CCDC157: variants seen among roughly 807,000 people sequenced by gnomAD.
The protein encoded by CCDC157 is coiled-coil domain containing 157.
In CCDC157, 60 loss-of-function variants were observed where a neutral mutation model predicts 70.9. The observed-to-expected ratio is 0.85, with a 90% CI of 0.69 to 1.05. The LOEUF is 1.05. Ranked by LOEUF, CCDC157 falls within the 50% of genes least tolerant of loss-of-function variation. The probability of loss-of-function intolerance (pLI) is 0.00; values close to 1 mark genes in which losing one functional copy is unlikely to be tolerated. For missense variants in CCDC157, 943 were observed against 984.2 expected, an observed-to-expected ratio of 0.96 and a Z score of 0.56; for synonymous variants, 373 against 422.4, an observed-to-expected ratio of 0.88 and a Z score of 1.43.
intron 10 of CCDC157, 65 bp downstream of exon 10, chr22:30,375,728 G>A: frequency 7.0e-7 from 1 of 1,435,930 alleles, no homozygotes; most frequent in Non-Finnish European, 9.4e-7. Flanking sequence ...CAGGTCTTCA[G>A]ACTCTGCCCC....
intron 3 of CCDC157, among the ~76,000 whole-genome samples, chr22:30,367,586 T>C (rs1353775203): frequency 6.6e-6 from 1 of 151,770 alleles, no homozygotes; most frequent in East Asian, 2.0e-4. Context: ...GGTGGGAGGA[T>C]TGTTTGAGCC....
At chr22:30,359,951 C>T (rs1489914956) in intron 1 of CCDC157, among the ~76,000 whole-genome samples, 2 of 151,972 alleles carry the variant, frequency 1.3e-5, no homozygotes, top group Middle Eastern at 3.2e-3. Context: ...CCAGGACCAG[C>T]CTGGGCAACA....
chr22:30,356,746 G>A (rs1308775727), upstream of CCDC157: 6 of 1,493,730 alleles, frequency 4.0e-6, no homozygotes, highest in South Asian at 1.3e-5. Flanking sequence ...GGGCTCCGTG[G>A]GCACGGGCGG....
intron 4 of CCDC157, 136 bp from the exon 5 acceptor site, chr22:30,370,190 C>T (rs7287908): frequency 0.21 from 203,369 of 949,466 alleles, 23,372 homozygotes; most frequent in Middle Eastern, 0.3. Flanking sequence ...TTATTCACGT[C>T]GGTGTCAGAG....
intron 2 of CCDC157, among the ~76,000 whole-genome samples, chr22:30,362,479 G>A (rs565619060): frequency 6.6e-6 from 1 of 152,286 alleles, no homozygotes; most frequent in Admixed American, 6.5e-5. Flanking sequence ...TTCTGGGTGG[G>A]GAGACACTGA....
chr22:30,370,218 G>A, intron 4 of CCDC157, 108 bp from the exon 5 acceptor site: 3 of 1,236,374 alleles, frequency 2.4e-6, no homozygotes, highest in South Asian at 1.4e-5. Context: ...GAGGGTCTGA[G>A]TGTCAGGCAA....
chr22:30,374,529 G>C lies in CCDC157; in HGVS notation c.1672+438G>C, dbSNP rs1348693983. The C allele has an allele frequency of 1.1e-5, 5 of 460,702 alleles. No homozygotes were observed. The Admixed American group carries it at 1.2e-4, about 11-fold the overall frequency. 28.5% of individuals were successfully genotyped at this position (460,702 alleles called of 1,614,324 possible). A position where few individuals can be genotyped will look rare whatever the true frequency, so the allele number is the denominator to read the frequency against. The stretch of plus-strand genomic sequence containing the variant: ...TGGACCCCATGGCATAGGAGTGCTA[G>C]GTACCCATCTTGGCACAGGATTGGA... On this transcript the variant is annotated intron_variant, in intron 9 of 11. Coordinates refer to ENST00000338306, the MANE Select transcript of CCDC157 (RefSeq NM_001017437.5).
rs778688355 is a variant in CCDC157, at chr22:30,376,268, C to T, written c.1867C>T (p.Gln623Ter). ...AQQGGLKLIP[Q>*]DRLWSPSSKG... ...TTTTTTTTTTTTGTAGCTGATCCCG[C>T]AGGACCGGCTCTGGTCCCCTTCCAG... The change falls in exon 11 of 12, where the codon CAG (glutamine) becomes TAG (stop). Residue 623 changes from glutamine (Q) to a stop codon, truncating the protein, a stop_gained. Coordinates refer to ENST00000338306, the MANE Select transcript of CCDC157 (RefSeq NM_001017437.5). LOFTEE classifies it high-confidence loss of function. The T allele has an allele frequency of 6.2e-7, 1 of 1,611,362 alleles. No homozygotes were observed. Among genetic ancestry groups the T allele is most frequent in the Non-Finnish European group, 8.5e-7 (1 of 1,179,032 alleles).
chr22:30,356,744 T>A (rs1238097168), upstream of CCDC157: 1 of 1,494,780 alleles, frequency 6.7e-7, no homozygotes, highest in South Asian at 1.3e-5. Context: ...TTGGGCTCCG[T>A]GGGCACGGGC....
rs147092496 is a variant in CCDC157, at chr22:30,374,008, G to A, written c.1589G>A (p.Arg530Gln). Residue 530 changes from arginine to glutamine, a missense_variant, in exon 9 of 12, where the codon CGG (arginine) becomes CAG (glutamine). Arg to Gln is a conservative substitution (Grantham distance 43). Transcript: ENST00000338306. ...CGGCTAACCATCCTGGAGCTAGAAC[G>A]GGAGCTGGAGGAGCTGAAGGAGCGG... ...DLRLTILELE[R>Q]ELEELKERER... The A allele has an allele frequency of 0.01, 16,871 of 1,612,120 alleles. 111 individuals are homozygous for A. Among genetic ancestry groups the A allele is most frequent in the Non-Finnish European group, 0.013 (15,201 of 1,179,310 alleles).
At chr22:30,356,949 TC>T, upstream of CCDC157, 1 of 568,414 alleles carries the variant, frequency 1.8e-6, no homozygotes, top group Non-Finnish European at 2.6e-6. Context: ...TCCGGGACCG[TC>T]CCCTCGCCGT....
intron 10 of CCDC157, 40 bp downstream of exon 10, chr22:30,375,703 G>A (rs1460625111): frequency 6.4e-7 from 1 of 1,551,224 alleles, no homozygotes; most frequent in African/African-American, 1.4e-5. Flanking sequence ...CCAGGAGGAA[G>A]CCCCTATCCA....
chr22:30,360,538 C>G (rs1932264024), intron 1 of CCDC157, among the ~76,000 whole-genome samples: 1 of 151,848 alleles, frequency 6.6e-6, no homozygotes, highest in African/African-American at 2.4e-5. Context: ...GACATGGAAA[C>G]CTTCAGAAAT....
In CCDC157 at chr22:30,371,656, G is replaced by A. The variant is rs755987405; in HGVS notation, c.1052G>A (p.Ser351Asn). 10 of 1,614,028 alleles carry A rather than the reference G, an allele frequency of 6.2e-6. No homozygotes were observed. The highest frequency in any genetic ancestry group is 8.5e-6 in the Non-Finnish European group (10 of 1,179,866). ...HDKQQLLTET[S>N]DLKTKMATLE... ...TCTCTCTTGGCTGCCATAGAAACAA[G>A]TGACCTAAAGACAAAGATGGCCACC... Residue 351 changes from serine to asparagine, a missense_variant, in exon 6 of 12, where the codon AGT becomes AAT. By Grantham distance (46) the Ser-to-Asn change is conservative. Coordinates refer to ENST00000338306, the MANE Select transcript of CCDC157 (RefSeq NM_001017437.5).
In CCDC157 at chr22:30,372,151, G is replaced by A; in HGVS notation, c.1200G>A (p.Glu400=). ...AGAGGCAGGTGCAGCAGCTGGAGGA[G>A]CAGGTGCAGCAGTTGGAGGCGCAGG... is the stretch of plus-strand genomic sequence containing the variant. ...AAERQVQQLE[E]QVQQLEAQVQ... Residue 400 remains glutamate, a synonymous_variant, in exon 7 of 12, where the codon GAG becomes GAA. Transcript: ENST00000338306. The A allele has an allele frequency of 2.6e-6, 4 of 1,560,148 alleles. No individual in the cohort carries two copies. Among genetic ancestry groups the A allele is most frequent in the Non-Finnish European group, 3.5e-6 (4 of 1,153,152 alleles).
chr22:30,375,572 ACAT>A lies in CCDC157; in HGVS notation c.1768_1770del (p.Ile590del). The A allele has an allele frequency of 6.2e-7, 1 of 1,614,208 alleles. No individual in the cohort carries two copies. The highest frequency in any genetic ancestry group is 2.2e-5 in the East Asian group (1 of 44,870). On this transcript the variant is annotated inframe_deletion, in exon 10 of 12. Coordinates refer to ENST00000338306, the MANE Select transcript of CCDC157 (RefSeq NM_001017437.5). ...ATGGAGAGGCAAGTGCAGTCCAACG[ACAT>A]CCGCATCCGGGTCCTACAGGAGGAG...
At position 30,372,222 on chromosome 22, in the gene CCDC157, G is replaced by A; in HGVS notation, c.1271G>A (p.Cys424Tyr). Reference protein sequence around the residue: ...GRLEGAGQQVCWASTELDKEK... With the variant: ...GRLEGAGQQVYWASTELDKEK... The stretch of plus-strand genomic sequence containing the variant: ...CTGGAGGGCGCTGGCCAGCAGGTCT[G>A]CTGGGCCAGCACGGAGCTGGATAAG... Residue 424 changes from cysteine (C) to tyrosine (Y), a missense_variant, in exon 7 of 12, where the codon TGC becomes TAC. Transcript: ENST00000338306. The A allele has an allele frequency of 6.3e-7, 1 of 1,596,072 alleles. No homozygotes were observed. The highest frequency in any genetic ancestry group is 8.5e-7 in the Non-Finnish European group (1 of 1,174,656).
At chr22:30,376,135 T>G in intron 10 of CCDC157, 124 bp from the exon 11 acceptor site, 1 of 812,416 alleles carries the variant, frequency 1.2e-6, no homozygotes, top group Non-Finnish European at 2.0e-6. Flanking sequence ...TGCCCCTAGG[T>G]GAAAGGGCCC....
In CCDC157 at chr22:30,370,526, G is replaced by T; in HGVS notation, c.621G>T (p.Arg207Ser). 3 of 1,614,060 alleles carry T rather than the reference G, an allele frequency of 1.9e-6. No individual in the cohort carries two copies. The highest frequency in any genetic ancestry group is 2.5e-6 in the Non-Finnish European group (3 of 1,180,038). Residue 207 changes from arginine to serine, a missense_variant, in exon 5 of 12, where the codon AGG becomes AGT. Coordinates refer to ENST00000338306, the MANE Select transcript of CCDC157 (RefSeq NM_001017437.5). ...CAGCCACGACCTTCAAGAACACCAGGAGTGTCCACTCCCAGACCATTGAGA... is the reference window on the plus strand; with the variant it reads ...CAGCCACGACCTTCAAGAACACCAGTAGTGTCCACTCCCAGACCATTGAGA... ...QFPATTFKNTRSVHSQTIETA... is the reference protein window; with the variant it reads ...QFPATTFKNTSSVHSQTIETA...
Sources: allele counts gnomAD v4.1 joint callset (sites outside exome capture counted in the v4.1 genomes callset), GRCh38; gene constraint gnomAD v4.1.1; transcripts MANE v1.5; gene names NCBI Gene and HGNC (gene_info 2026-07-23, HGNC 2026-07-21).